Variants in RORB observed in about 807,000 individuals in gnomAD.
RORB encodes RAR related orphan receptor B.
In RORB, 6 loss-of-function variants were observed where a neutral mutation model predicts 59.1. The ratio of observed to expected loss-of-function variants is 0.10; its 90% CI spans 0.06 to 0.20. The LOEUF (loss-of-function observed/expected upper bound fraction) is 0.20, where lower values mean the gene tolerates loss of function less well. Among genes scored for constraint, RORB ranks in the 10% least tolerant of loss-of-function variants. RORB has a pLI of 1.00. For synonymous variants in RORB, 215 were observed against 204.5 expected (o/e 1.05, Z -0.44); for missense variants, 320 against 560.5 (o/e 0.57, Z 4.33).
intron 1 of RORB, among the ~76,000 whole-genome samples, chr9:74,618,878 A>G (rs535103777): frequency 1.9e-4 from 29 of 152,318 alleles, no homozygotes; most frequent in Non-Finnish European, 3.4e-4. Context: ...CATGCATTGA[A>G]TCCTTGGTCT....
intron 1 of RORB, among the ~76,000 whole-genome samples, chr9:74,539,122 A>G (rs969243986): frequency 6.6e-6 from 1 of 152,220 alleles, no homozygotes; most frequent in Non-Finnish European, 1.5e-5. Flanking sequence ...AGAAATACCA[A>G]GTTAAATTTT....
chr9:74,567,088 C>T lies in RORB; in HGVS notation c.8-63194C>T, dbSNP rs994944063. Reference sequence around the variant, plus strand: ...TGTCGCCCAGGCTGGAGTGCAACGGCGTGATCTCGGCTCACTACAACCTCT... The same window carrying T: ...TGTCGCCCAGGCTGGAGTGCAACGGTGTGATCTCGGCTCACTACAACCTCT... On this transcript the variant is annotated intron_variant, in intron 1 of 9. Coordinates refer to ENST00000376896, the MANE Select transcript of RORB (RefSeq NM_006914.4). Among the ~76,000 whole-genome samples, 131 of 151,772 alleles carry T rather than the reference C, an allele frequency of 8.6e-4. 1 individual carries two copies. The highest frequency in any genetic ancestry group is 3.7e-4 in the Non-Finnish European group (25 of 67,928).
intron 5 of RORB, 64 bp downstream of exon 5, chr9:74,660,802 A>C: frequency 5.9e-6 from 9 of 1,532,298 alleles, no homozygotes; most frequent in African/African-American, 1.4e-5. Context: ...GCTCAAGCTC[A>C]GCACTATTGG....
chr9:74,584,753 G>A (rs1469302631), intron 1 of RORB, among the ~76,000 whole-genome samples: 1 of 152,146 alleles, frequency 6.6e-6, no homozygotes, highest in South Asian at 2.1e-4. Flanking sequence ...TGGTAATGGA[G>A]ATAGTGGCTA....
intron 1 of RORB, among the ~76,000 whole-genome samples, chr9:74,607,023 C>T (rs543168277): frequency 9.9e-5 from 15 of 152,158 alleles, no homozygotes; most frequent in African/African-American, 3.4e-4. Flanking sequence ...TGGATGAAAC[C>T]CATGCACTAA....
At chr9:74,575,888 G>A (rs922318268) in intron 1 of RORB, among the ~76,000 whole-genome samples, 4 of 152,078 alleles carry the variant, frequency 2.6e-5, no homozygotes, top group Non-Finnish European at 5.9e-5. Flanking sequence ...AAAGCACTTT[G>A]TAAATGAAAA....
chr9:74,569,098 C>T (rs993345160), intron 1 of RORB, among the ~76,000 whole-genome samples: 49 of 151,826 alleles, frequency 3.2e-4, no homozygotes, highest in Non-Finnish European at 2.5e-4. Context: ...GTGTAAATAA[C>T]CATATATGAA....
intron 3 of RORB, among the ~76,000 whole-genome samples, chr9:74,635,992 C>T (rs1018809155): frequency 6.7e-6 from 1 of 148,172 alleles, no homozygotes; most frequent in African/African-American, 2.5e-5. Flanking sequence ...ACCTGAAACC[C>T]TTCAGTTTAT....
In RORB at chr9:74,688,350, C is replaced by A. The variant is rs887295115; in HGVS notation, c.*2732C>A. On this transcript the variant is annotated 3_prime_UTR_variant, in exon 10 of 10. Coordinates refer to ENST00000376896, the MANE Select transcript of RORB (RefSeq NM_006914.4). The stretch of plus-strand genomic sequence containing the variant: ...CAGTCATGTTTTCAATGGTAAAAAG[C>A]CTTAAAAAGCTGCCCTTCGAAGATC... 4 of 152,130 alleles carry A rather than the reference C, an allele frequency of 2.6e-5. No individual in the cohort carries two copies. The highest frequency in any genetic ancestry group is 9.7e-5 in the African/African-American group (4 of 41,436). 9.4% of individuals were successfully genotyped at this position (152,130 alleles called of 1,614,324 possible).
At chr9:74,524,891 T>C (rs1826135215) in intron 1 of RORB, among the ~76,000 whole-genome samples, 1 of 151,868 alleles carries the variant, frequency 6.6e-6, no homozygotes, top group South Asian at 2.1e-4. Context: ...TCCTAATACC[T>C]AATATTTCAA....
rs1386376205 is a variant in RORB, at chr9:74,617,658, G to T, written c.8-12624G>T. Among the ~76,000 whole-genome samples the T allele has an allele frequency of 2.0e-5, 3 of 152,154 alleles. No individual in the cohort carries two copies. In the East Asian group the frequency reaches 5.8e-4, roughly 29 times the overall value. On this transcript the variant is annotated intron_variant, in intron 1 of 9. Transcript: ENST00000376896. ...AATTCTACATTTGTTGGGTGACTAA[G>T]CCTCCACCTCAGTCCCACACTGACA... is the stretch of plus-strand genomic sequence containing the variant.
At chr9:74,546,682 A>T (rs1826501047) in intron 1 of RORB, among the ~76,000 whole-genome samples, 1 of 152,220 alleles carries the variant, frequency 6.6e-6, no homozygotes, top group Non-Finnish European at 1.5e-5. Context: ...ACCGTTGTGC[A>T]TTTGAATCAG....
intron 1 of RORB, among the ~76,000 whole-genome samples, chr9:74,567,657 T>C (rs763169085): frequency 5.9e-5 from 9 of 152,172 alleles, no homozygotes; most frequent in Admixed American, 2.0e-4. Flanking sequence ...ATCTATTAAA[T>C]TGAATTTAAT....
In RORB at chr9:74,532,784, A is replaced by G. The variant is rs181355765; in HGVS notation, c.7+34801A>G. Among the ~76,000 whole-genome samples, 517 of 147,368 alleles carry G rather than the reference A, an allele frequency of 3.5e-3. 2 individuals are homozygous for G. Among genetic ancestry groups the G allele is most frequent in the African/African-American group, 0.012 (478 of 40,188 alleles). Reference sequence around the variant, plus strand: ...TACACACGTGTATGTGTATGTGTGTATATATATATACATAGATACGTATAT... The same window carrying G: ...TACACACGTGTATGTGTATGTGTGTGTATATATATACATAGATACGTATAT... On this transcript the variant is annotated intron_variant, in intron 1 of 9. Transcript: ENST00000376896.
intron 1 of RORB, among the ~76,000 whole-genome samples, chr9:74,600,000 T>A (rs1348485924): frequency 6.6e-6 from 1 of 152,232 alleles, no homozygotes; most frequent in Non-Finnish European, 1.5e-5. Context: ...TTCCTTTTTA[T>A]GCTGCCATCT....
At chr9:74,568,788 G>C (rs1317324348) in intron 1 of RORB, among the ~76,000 whole-genome samples, 1 of 151,442 alleles carries the variant, frequency 6.6e-6, no homozygotes, top group Non-Finnish European at 1.5e-5. Flanking sequence ...ATCACCTAGA[G>C]TGAAATGAAC....
At chr9:74,622,555 C>G (rs772426865) in intron 1 of RORB, among the ~76,000 whole-genome samples, 1 of 106,342 alleles carries the variant, frequency 9.4e-6, no homozygotes, top group Non-Finnish European at 1.7e-5. Flanking sequence ...GAGACAGAGT[C>G]TCGGTCTGTC....
chr9:74,612,705 A>G (rs1428290797), intron 1 of RORB, among the ~76,000 whole-genome samples: 1 of 152,172 alleles, frequency 6.6e-6, no homozygotes, highest in African/African-American at 2.4e-5. Context: ...CTTGGCTTTT[A>G]GCACCCTATG....
At chr9:74,541,052 G>A (rs368535600) in intron 1 of RORB, among the ~76,000 whole-genome samples, 4 of 151,916 alleles carry the variant, frequency 2.6e-5, no homozygotes, top group African/African-American at 4.8e-5. Context: ...AGGCCAAGGC[G>A]GGTAGATCAC....
Sources: gnomAD v4.1 joint callset for allele counts (sites outside exome capture counted in the v4.1 genomes callset) on GRCh38, gnomAD v4.1.1 for gene constraint, MANE v1.5 for transcripts, NCBI Gene and HGNC (gene_info 2026-07-23, HGNC 2026-07-21) for gene names.